Variants in HUS1 observed in about 807,000 individuals in gnomAD.
HUS1 encodes checkpoint protein HUS1.
A neutral mutation model predicts 32.6 loss-of-function variants in HUS1; 31 were observed. The observed-to-expected ratio is 0.95, with a 90% CI of 0.72 to 1.28. HUS1 has a LOEUF of 1.28. Among genes scored for constraint, HUS1 ranks in the 50% most tolerant of loss-of-function variants. The pLI, the probability that HUS1 is intolerant of heterozygous loss-of-function variation, is 0.00. For synonymous variants in HUS1, 123 were observed against 116.6 expected, an observed-to-expected ratio of 1.06 and a Z score of -0.36; for missense variants, 340 against 337.7, an observed-to-expected ratio of 1.01 and a Z score of -0.05.
chr7:47,969,068 C>CGT (rs1788539812), intron 6 of HUS1, 151 bp downstream of exon 6: 1 of 582,096 alleles, frequency 1.7e-6, no homozygotes, highest in Non-Finnish European at 3.0e-6. Flanking sequence ...CACAGGGATA[C>CGT]ATAGTCCAGT....
intron 3 of HUS1, among the ~76,000 whole-genome samples, chr7:47,977,193 G>A (rs759949170): frequency 1.3e-5 from 2 of 152,112 alleles, no homozygotes; most frequent in Non-Finnish European, 2.9e-5. Context: ...TCCTTAGACT[G>A]AGGAGGTGAC....
At chr7:47,971,658 T>G (rs1235425214) in intron 5 of HUS1, 1 of 431,322 alleles carries the variant, frequency 2.3e-6, no homozygotes, top group Non-Finnish European at 4.7e-6. Flanking sequence ...TGCCCAATGT[T>G]AAAGCCTAGG....
At chr7:47,969,888 A>G (rs1243740162) in intron 5 of HUS1, among the ~76,000 whole-genome samples, 1 of 152,202 alleles carries the variant, frequency 6.6e-6, no homozygotes, top group African/African-American at 2.4e-5. Flanking sequence ...ATTAAATTAG[A>G]AAACTATTTT....
rs572481420 is a variant in HUS1 at position 47,972,665 on chromosome 7, G to A, written c.540+2948C>T. On this transcript the variant is annotated intron_variant, in intron 5 of 7. Transcript: ENST00000258774. The stretch of plus-strand genomic sequence containing the variant: ...AATTATCTCTAAATTTTTAAAAACT[G>A]ACGAAGCCCCTGTCATAGCTGCACT... 2.5e-4 allele frequency among the ~76,000 whole-genome samples: 30 copies of A among 122,440 alleles called. 1 individual carries two copies. The highest frequency in any genetic ancestry group is 8.3e-4 in the African/African-American group (30 of 35,962). The allele number at this position is 122,440 out of a possible 152,430, so 80.3% of individuals were successfully genotyped here. A position where few individuals can be genotyped will look rare whatever the true frequency, so the allele number is the denominator to read the frequency against.
At chr7:47,973,545 A>T (rs888532684) in intron 5 of HUS1, among the ~76,000 whole-genome samples, 5 of 152,240 alleles carry the variant, frequency 3.3e-5, no homozygotes, top group African/African-American at 9.6e-5. Context: ...GAAAGGAAGT[A>T]ACTGGGCATC....
Position 47,965,339 on chromosome 7 carries a change from A to C in HUS1, c.*17T>G. ...ATCCTGACAAAGTCTCTGCATGCCA[A>C]CTCCAGCGACAGGGTGCTAGGACAG... is the stretch of plus-strand genomic sequence containing the variant. On this transcript the variant is annotated 3_prime_UTR_variant, in exon 8 of 8. Coordinates refer to ENST00000258774, the MANE Select transcript of HUS1 (RefSeq NM_004507.4). 5.7e-6 allele frequency: 9 copies of C among 1,587,982 alleles called. No homozygotes were observed. The highest frequency in any genetic ancestry group is 1.3e-5 in the African/African-American group (1 of 74,596).
At chr7:47,968,271 TAAAA>T (rs1200133173) in intron 6 of HUS1, among the ~76,000 whole-genome samples, 3 of 145,732 alleles carry the variant, frequency 2.1e-5, no homozygotes, top group Admixed American at 2.0e-4. Flanking sequence ...GGAGTGGAAT[TAAAA>T]AAAAAAAGAA....
In HUS1 at chr7:47,975,594, T is replaced by C; in HGVS notation, c.540+19A>G. On this transcript the variant is annotated intron_variant, in intron 5 of 7. Coordinates refer to ENST00000258774, the MANE Select transcript of HUS1 (RefSeq NM_004507.4). ...CACCAAATACTTCAGAGTTCTTTTC[T>C]AAAGAAGTTGTGACTTACAAGGTGA... 4 of 1,547,074 alleles carry C rather than the reference T, an allele frequency of 2.6e-6. No individual in the cohort carries two copies. The highest frequency in any genetic ancestry group is 3.6e-6 in the Non-Finnish European group (4 of 1,119,718).
At chr7:47,979,350 A>G in intron 1 of HUS1, 118 bp downstream of exon 1, 1 of 375,740 alleles carries the variant, frequency 2.7e-6, no homozygotes, top group East Asian at 2.4e-4. Context: ...TCCCGGCCCC[A>G]TCCTCCCGCG....
rs565584172 is a variant in HUS1 at position 47,977,931 on chromosome 7, G to A, written c.357+486C>T. Among the ~76,000 whole-genome samples, 5 of 152,312 alleles carry A rather than the reference G, an allele frequency of 3.3e-5. No individual in the cohort carries two copies. The South Asian group carries it at 1.0e-3, about 32-fold the overall frequency. On this transcript the variant is annotated intron_variant, in intron 3 of 7. Coordinates refer to ENST00000258774, the MANE Select transcript of HUS1 (RefSeq NM_004507.4). The stretch of plus-strand genomic sequence containing the variant: ...ACGAACCTCATTCTATGAGTAGGAA[G>A]AGCAACTCTGGATTGTATGTATGCG...
chr7:47,977,451 A>C (rs1788728614), intron 3 of HUS1, among the ~76,000 whole-genome samples: 1 of 152,208 alleles, frequency 6.6e-6, no homozygotes, highest in African/African-American at 2.4e-5. Context: ...ACAGACCAAA[A>C]TATCTTGCAC....
rs963026262 is a variant in HUS1, at chr7:47,976,813, T to C, written c.382A>G (p.Ile128Val). The C allele has an allele frequency of 3.7e-6, 6 of 1,612,346 alleles. No individual in the cohort carries two copies. The highest frequency in any genetic ancestry group is 1.1e-5 in the South Asian group (1 of 91,006). Residue 128 changes from isoleucine to valine, a missense_variant, in exon 4 of 8, where the codon ATT becomes GTT. Coordinates refer to ENST00000258774, the MANE Select transcript of HUS1 (RefSeq NM_004507.4). ...TTTATGGGGATGTCATGGGTCACAA[T>C]GCGGCTACTGCTTGACATAGATAAC... is the stretch of plus-strand genomic sequence containing the variant. Reference protein sequence around the residue: ...ELLSMSSSSRIVTHDIPIKVI... With the variant: ...ELLSMSSSSRVVTHDIPIKVI...
At chr7:47,977,765 G>A (rs1788736049) in intron 3 of HUS1, among the ~76,000 whole-genome samples, 1 of 152,094 alleles carries the variant, frequency 6.6e-6, no homozygotes, top group Non-Finnish European at 1.5e-5. Context: ...GTGGTGGTGG[G>A]TGCCTGTAAT....
rs933491079 is a variant in HUS1 at position 47,963,394 on chromosome 7, T to C, written c.*1962A>G. 3.9e-5 allele frequency: 6 copies of C among 152,242 alleles called. No individual in the cohort carries two copies. The highest frequency in any genetic ancestry group is 2.6e-4 in the Admixed American group (4 of 15,282). 9.4% of individuals were successfully genotyped at this position (152,242 alleles called of 1,614,324 possible). On this transcript the variant is annotated 3_prime_UTR_variant, in exon 8 of 8. Transcript: ENST00000258774. ...TATGTATTTGATAATAAACATCACA[T>C]AGAGCAAATGGTTAAGTCACTAACA...
Position 47,965,195 on chromosome 7 carries a change from GT to G in HUS1, c.*160del. Reference sequence around the variant, plus strand: ...AAGTGATATGTTTATCCAACTGTGTGTTGTTGAATCAACTTTTAGTTAAAAT... The same window carrying G: ...AAGTGATATGTTTATCCAACTGTGTGTGTTGAATCAACTTTTAGTTAAAAT... On this transcript the variant is annotated 3_prime_UTR_variant, in exon 8 of 8. Coordinates refer to ENST00000258774, the MANE Select transcript of HUS1 (RefSeq NM_004507.4). 1 of 543,990 alleles carries G rather than the reference GT, an allele frequency of 1.8e-6. No individual in the cohort carries two copies. The highest frequency in any genetic ancestry group is 2.6e-5 in the South Asian group (1 of 38,772). The allele number at this position is 543,990 out of a possible 1,614,324, so 33.7% of individuals were successfully genotyped here.
At chr7:47,969,669 T>G (rs936856169) in intron 5 of HUS1, among the ~76,000 whole-genome samples, 1 of 151,658 alleles carries the variant, frequency 6.6e-6, no homozygotes, top group African/African-American at 2.4e-5. Context: ...TGATGAGAAC[T>G]CCCTCACAGC....
intron 5 of HUS1, chr7:47,971,390 G>A (rs1017420313): frequency 2.5e-5 from 11 of 443,756 alleles, no homozygotes; most frequent in African/African-American, 8.1e-5. Context: ...ATATACCATC[G>A]GGCACCCCTC....
chr7:47,978,923 A>T (rs1788767674), intron 1 of HUS1, 107 bp from the exon 2 acceptor site: 1 of 1,164,432 alleles, frequency 8.6e-7, no homozygotes, highest in Non-Finnish European at 1.2e-6. Context: ...GTGGAAAAAT[A>T]ACCACTTAAC....
At chr7:47,966,212 G>A (rs1187292819) in intron 7 of HUS1, among the ~76,000 whole-genome samples, 1 of 152,146 alleles carries the variant, frequency 6.6e-6, no homozygotes, top group Non-Finnish European at 1.5e-5. Context: ...CCTAGCTAGA[G>A]GAGGGGACAA....
Sources: allele counts gnomAD v4.1 joint callset (sites outside exome capture counted in the v4.1 genomes callset), GRCh38; gene constraint gnomAD v4.1.1; transcripts MANE v1.5; gene names NCBI Gene and HGNC (gene_info 2026-07-23, HGNC 2026-07-21).